Variants in TCF4 observed in about 807,000 individuals in gnomAD.
TCF4 encodes SL3-3 enhancer factor 2.
In TCF4, 3 loss-of-function variants were observed where a neutral mutation model predicts 82.1. That is an observed-to-expected ratio of 0.04 (90% CI 0.02 to 0.09). The LOEUF is 0.09. Ranked by LOEUF, TCF4 falls within the 10% of genes least tolerant of loss-of-function variation. The pLI is 1.00. For missense variants in TCF4, 518 were observed against 852.7 expected (o/e 0.61, Z 4.89); for synonymous variants, 276 against 309.6 (o/e 0.89, Z 1.14).
intron 8 of TCF4, among the ~76,000 whole-genome samples, chr18:55,301,003 A>T (rs1290314409): frequency 6.6e-6 from 1 of 152,060 alleles, no homozygotes; most frequent in Non-Finnish European, 1.5e-5. Flanking sequence ...CAGAGCAGGG[A>T]ATGACCCCCC....
chr18:55,540,259 A>G (rs1448182901), intron 3 of TCF4, among the ~76,000 whole-genome samples: 1 of 152,148 alleles, frequency 6.6e-6, no homozygotes, highest in Non-Finnish European at 1.5e-5. Context: ...AATCAGATGC[A>G]GACATATCAC....
intron 5 of TCF4, among the ~76,000 whole-genome samples, chr18:55,446,552 A>C (rs2095528664): frequency 6.6e-6 from 1 of 152,154 alleles, no homozygotes; most frequent in African/African-American, 2.4e-5. Context: ...TGGGCAAATA[A>C]CCTAATCTCT....
chr18:55,567,701 A>T lies in TCF4; in HGVS notation c.145+17579T>A, dbSNP rs535654402. Among the ~76,000 whole-genome samples, 42 of 152,104 alleles carry T rather than the reference A, an allele frequency of 2.8e-4. 1 individual carries two copies. The South Asian group carries it at 8.1e-3, about 29-fold the overall frequency. On this transcript the variant is annotated intron_variant, in intron 3 of 19. Coordinates refer to ENST00000354452, the MANE Select transcript of TCF4 (RefSeq NM_001083962.2). ...GCACTCCAGCCTGGGAGACAGAGCG[A>T]GACTCCATCTCAAAAAAAAAAAAGG...
chr18:55,269,881 T>G lies in TCF4; in HGVS notation c.872A>C (p.Tyr291Ser). Residue 291 changes from tyrosine to serine, a missense_variant, in exon 11 of 20, where the codon TAC becomes TCC. Physicochemically the swap from Tyr to Ser is moderately radical, Grantham distance 144. Around this residue, in one of 7 missense-constraint regions of TCF4, gnomAD observed 211 missense variants for 327.4 expected, o/e 0.64. Transcript: ENST00000354452. ...AGGAGGCGTACAGGAAGAGGTGCTG[T>G]AATGGTTTGTACCACTACGATGGAA... is the stretch of plus-strand genomic sequence containing the variant. ...STFHRSGTNH[Y>S]STSSCTPPAN... 1 of 1,613,334 alleles carries G rather than the reference T, an allele frequency of 6.2e-7. No homozygotes were observed. The highest frequency in any genetic ancestry group is 1.1e-5 in the South Asian group (1 of 91,068).
At chr18:55,376,419 T>C (rs1435032959) in intron 6 of TCF4, among the ~76,000 whole-genome samples, 1 of 152,212 alleles carries the variant, frequency 6.6e-6, no homozygotes, top group African/African-American at 2.4e-5. Flanking sequence ...GGGTGGCTCA[T>C]TGGGCCACTG....
chr18:55,422,481 G>T, intron 5 of TCF4: 2 of 977,644 alleles, frequency 2.0e-6, no homozygotes, highest in Non-Finnish European at 2.4e-6. Context: ...ACAAATAAAA[G>T]TACTTTCCTA....
intron 8 of TCF4, among the ~76,000 whole-genome samples, chr18:55,331,476 ATAGGAG>A (rs1184671059): frequency 6.6e-6 from 1 of 152,250 alleles, no homozygotes; most frequent in Non-Finnish European, 1.5e-5. Flanking sequence ...TCTGCACACA[ATAGGAG>A]CTCAATCACA....
intron 2 of TCF4, 52 bp downstream of exon 2, chr18:55,586,993 T>A: frequency 6.5e-7 from 1 of 1,533,152 alleles, no homozygotes; most frequent in Non-Finnish European, 9.0e-7. Context: ...GTGTTTGGGT[T>A]TTTGTTTTGT....
intron 8 of TCF4, among the ~76,000 whole-genome samples, chr18:55,313,979 G>C (rs1027518108): frequency 2.6e-5 from 4 of 151,888 alleles, no homozygotes; most frequent in Admixed American, 6.6e-5. Context: ...ATAAAACGTT[G>C]GCGATATTTG....
intron 8 of TCF4, among the ~76,000 whole-genome samples, chr18:55,329,133 C>A (rs1175040896): frequency 6.6e-6 from 1 of 152,206 alleles, no homozygotes; most frequent in Non-Finnish European, 1.5e-5. Flanking sequence ...GAGCATCCAA[C>A]GTACATCCAT....
chr18:55,353,959 T>C (rs1364462048), intron 6 of TCF4, among the ~76,000 whole-genome samples: 1 of 152,192 alleles, frequency 6.6e-6, no homozygotes, highest in East Asian at 1.9e-4. Flanking sequence ...GTTTTTCACA[T>C]TGTGCAAGCT....
chr18:55,449,727 T>G (rs2095588824), intron 5 of TCF4, among the ~76,000 whole-genome samples: 1 of 152,224 alleles, frequency 6.6e-6, no homozygotes, highest in African/African-American at 2.4e-5. Flanking sequence ...TTGTGATCTA[T>G]CGCTCTAAAA....
At chr18:55,396,425 C>A (rs963454441) in intron 6 of TCF4, among the ~76,000 whole-genome samples, 1 of 152,208 alleles carries the variant, frequency 6.6e-6, no homozygotes, top group Non-Finnish European at 1.5e-5. Context: ...TTGACATTCA[C>A]TATCAACCAT....
chr18:55,343,684 A>G (rs1262442745), intron 8 of TCF4, among the ~76,000 whole-genome samples: 1 of 152,084 alleles, frequency 6.6e-6, no homozygotes, highest in African/African-American at 2.4e-5. Context: ...TAAAGCATCA[A>G]ACTCCTCAAA....
chr18:55,588,359 G>A, upstream of TCF4: 2 of 1,500,462 alleles, frequency 1.3e-6, no homozygotes, highest in East Asian at 2.5e-5. Flanking sequence ...CTTGCTCCGG[G>A]TCGGGCAGGC....
chr18:55,442,968 G>A (rs943944209), intron 5 of TCF4, among the ~76,000 whole-genome samples: 7 of 152,286 alleles, frequency 4.6e-5, no homozygotes, highest in East Asian at 3.9e-4. Context: ...TATACCATTC[G>A]TACTTCTTGT....
chr18:55,548,722 G>C lies in TCF4; in HGVS notation c.145+36558C>G, dbSNP rs538446549. ...CCAAGGCTACAAACCTGCACAGCAT[G>C]TTATTGTACTAAATAGCCACAGGCA... On this transcript the variant is annotated intron_variant, in intron 3 of 19. Transcript: ENST00000354452. 3.3e-5 allele frequency among the ~76,000 whole-genome samples: 5 copies of C among 152,298 alleles called. No homozygotes were observed. In the South Asian group the frequency reaches 1.0e-3, roughly 32 times the overall value.
intron 6 of TCF4, among the ~76,000 whole-genome samples, chr18:55,370,075 C>G (rs2088529090): frequency 6.6e-6 from 1 of 152,202 alleles, no homozygotes; most frequent in African/African-American, 2.4e-5. Context: ...CCACAACCAG[C>G]ACAGTCTGAC....
intron 3 of TCF4, among the ~76,000 whole-genome samples, chr18:55,556,690 A>G (rs1354465973): frequency 6.6e-6 from 1 of 152,234 alleles, no homozygotes; most frequent in African/African-American, 2.4e-5. Context: ...TTCCCATTGT[A>G]TAATAAATAC....
Sources: allele counts gnomAD v4.1 joint callset (sites outside exome capture counted in the v4.1 genomes callset), GRCh38; gene constraint gnomAD v4.1.1; regional missense constraint gnomAD v4.1.1; transcripts MANE v1.5; gene names NCBI Gene and HGNC (gene_info 2026-07-23, HGNC 2026-07-21).